Variants in GAS7 observed in about 807,000 individuals in gnomAD.
The protein encoded by GAS7 is growth arrest specific 7.
A neutral mutation model predicts 71.1 loss-of-function variants in GAS7; 28 were observed. The observed-to-expected ratio is 0.39, with a 90% CI of 0.29 to 0.54. GAS7 has a LOEUF of 0.54. Among genes scored for constraint, GAS7 ranks in the 20% least tolerant of loss-of-function variants. The probability of loss-of-function intolerance (pLI) is 0.62; values close to 1 mark genes in which losing one functional copy is unlikely to be tolerated. For missense variants in GAS7, 436 were observed against 627.8 expected, an observed-to-expected ratio of 0.69 and a Z score of 3.27; for synonymous variants, 258 against 245.8, an observed-to-expected ratio of 1.05 and a Z score of -0.46.
intron 5 of GAS7, among the ~76,000 whole-genome samples, chr17:9,956,475 T>A (rs1253122983): frequency 6.6e-6 from 1 of 152,110 alleles, no homozygotes; most frequent in Non-Finnish European, 1.5e-5. Context: ...TTTGCTGTCA[T>A]CTTTTCTGAA....
intron 2 of GAS7, among the ~76,000 whole-genome samples, chr17:10,000,370 T>C (rs2071222686): frequency 6.6e-6 from 1 of 152,162 alleles, no homozygotes; most frequent in Non-Finnish European, 1.5e-5. Context: ...GCTACCTTTA[T>C]CCAGGTGTTG....
intron 5 of GAS7, among the ~76,000 whole-genome samples, chr17:9,956,667 C>T (rs1349905919): frequency 6.6e-6 from 1 of 152,192 alleles, no homozygotes; most frequent in African/African-American, 2.4e-5. Context: ...GTGTCTGTCC[C>T]CTGAAAACCC....
chr17:10,047,452 G>C (rs1345118340), intron 1 of GAS7, among the ~76,000 whole-genome samples: 1 of 152,204 alleles, frequency 6.6e-6, no homozygotes, highest in Non-Finnish European at 1.5e-5. Context: ...CAAGGCTAGT[G>C]ACAGTCGATA....
intron 1 of GAS7, among the ~76,000 whole-genome samples, chr17:10,185,978 C>T (rs1284090688): frequency 1.7e-5 from 2 of 116,512 alleles, no homozygotes; most frequent in East Asian, 2.5e-4. Context: ...TTTTTGGAGA[C>T]GGAGTCTCGC....
At chr17:10,019,274 T>C (rs2152205059) in intron 2 of GAS7, among the ~76,000 whole-genome samples, 1 of 152,240 alleles carries the variant, frequency 6.6e-6, no homozygotes, top group South Asian at 2.1e-4. Flanking sequence ...TCTGGAGAAA[T>C]GCCAGCCAGT....
intron 4 of GAS7, among the ~76,000 whole-genome samples, chr17:9,968,892 G>T (rs2069835121): frequency 6.6e-6 from 1 of 152,128 alleles, no homozygotes; most frequent in Non-Finnish European, 1.5e-5. Flanking sequence ...CAGGATTCTG[G>T]CATTTTAATT....
chr17:10,133,122 A>ATATATATATATATATTTTTT (rs1392845338), intron 1 of GAS7, among the ~76,000 whole-genome samples: 3 of 118,888 alleles, frequency 2.5e-5, no homozygotes, highest in African/African-American at 6.1e-5. Context: ...ATATTTTTAT[A>ATATATATATATATATTTTTT]TTTTTTTTTT....
chr17:10,050,956 G>A (rs2073054142), intron 1 of GAS7, among the ~76,000 whole-genome samples: 1 of 152,164 alleles, frequency 6.6e-6, no homozygotes. Flanking sequence ...GCTAAGAACA[G>A]AAGATAGATG....
At chr17:10,188,851 C>G (rs1249873227) in intron 1 of GAS7, among the ~76,000 whole-genome samples, 2 of 152,076 alleles carry the variant, frequency 1.3e-5, no homozygotes, top group Non-Finnish European at 2.9e-5. Context: ...CCCATGTTGC[C>G]CAGGCTGGTC....
intron 1 of GAS7, among the ~76,000 whole-genome samples, chr17:10,054,866 C>T (rs1480297971): frequency 6.6e-6 from 1 of 152,164 alleles, no homozygotes; most frequent in Non-Finnish European, 1.5e-5. Context: ...TGGGCCTAAC[C>T]TTCTTTGGAA....
intron 1 of GAS7, among the ~76,000 whole-genome samples, chr17:10,113,028 G>A (rs917402251): frequency 6.6e-6 from 1 of 152,042 alleles, no homozygotes; most frequent in African/African-American, 2.4e-5. Flanking sequence ...GTCCTCTGAG[G>A]GTCCACTCCC....
rs140025443 is a variant in GAS7 at position 9,933,295 on chromosome 17, C to T, written c.885+871G>A. ...AAAAAAAATTCTCCCTTTGGCATAA[C>T]CTAATGTTCCCTGACACTAGGAAGA... On this transcript the variant is annotated intron_variant, in intron 9 of 13. Transcript: ENST00000432992. Among the ~76,000 whole-genome samples the T allele has an allele frequency of 7.4e-4, 112 of 152,304 alleles. 1 individual carries two copies. The highest frequency in any genetic ancestry group is 2.6e-3 in the African/African-American group (109 of 41,550).
At chr17:10,044,762 T>TA (rs2072923704) in intron 1 of GAS7, among the ~76,000 whole-genome samples, 1 of 152,160 alleles carries the variant, frequency 6.6e-6, no homozygotes, top group Admixed American at 6.5e-5. Context: ...CAACTGTAGT[T>TA]AAGAGTGTCC....
intron 8 of GAS7, among the ~76,000 whole-genome samples, chr17:9,938,958 C>A (rs1567797334): frequency 1.3e-5 from 2 of 152,186 alleles, no homozygotes; most frequent in Non-Finnish European, 2.9e-5. Context: ...GTGTTCCATT[C>A]CTTTTCATGG....
At chr17:10,146,845 G>A (rs895847014) in intron 1 of GAS7, among the ~76,000 whole-genome samples, 13 of 152,196 alleles carry the variant, frequency 8.5e-5, no homozygotes, top group East Asian at 1.9e-4. Context: ...TTAGCCGGGC[G>A]TGGTGGCGGG....
chr17:10,024,086 T>G (rs1458603021), intron 1 of GAS7, among the ~76,000 whole-genome samples: 2 of 152,146 alleles, frequency 1.3e-5, no homozygotes, highest in African/African-American at 4.8e-5. Context: ...ACTGCGCCAT[T>G]GTACTCCAGC....
chr17:10,057,339 A>C (rs2073154610), intron 1 of GAS7, among the ~76,000 whole-genome samples: 1 of 149,314 alleles, frequency 6.7e-6, no homozygotes. Flanking sequence ...CATCCCATCT[A>C]GGAAGTGAGG....
intron 5 of GAS7, among the ~76,000 whole-genome samples, chr17:9,951,485 G>A (rs1309843852): frequency 2.0e-5 from 3 of 152,266 alleles, no homozygotes; most frequent in African/African-American, 4.8e-5. Context: ...GGCCAGGTGC[G>A]GTGGCTCATG....
At chr17:9,964,933 G>A (rs1023724200) in intron 4 of GAS7, among the ~76,000 whole-genome samples, 3 of 152,148 alleles carry the variant, frequency 2.0e-5, no homozygotes, top group Admixed American at 6.5e-5. Flanking sequence ...ATGCTCCAAT[G>A]GGTCCCTCAA....
Sources: allele counts gnomAD v4.1 joint callset (sites outside exome capture counted in the v4.1 genomes callset), GRCh38; gene constraint gnomAD v4.1.1; transcripts MANE v1.5; gene names NCBI Gene and HGNC (gene_info 2026-07-23, HGNC 2026-07-21).